Variants in PEX19 observed in about 807,000 individuals in gnomAD.
The protein encoded by PEX19 is 33 kDa housekeeping protein.
In PEX19, 29 loss-of-function variants were observed where a neutral mutation model predicts 36.3. The ratio of observed to expected loss-of-function variants is 0.80; its 90% confidence interval spans 0.60 to 1.09. The LOEUF (loss-of-function observed/expected upper bound fraction) is 1.09. PEX19 is among the 50% of genes least tolerant of loss of function. The pLI, the probability that PEX19 is intolerant of heterozygous loss-of-function variation, is 0.00. For missense variants in PEX19, 396 were observed against 368.1 expected, an observed-to-expected ratio of 1.08 and a Z score of -0.62; for synonymous variants, 141 against 135.2, an observed-to-expected ratio of 1.04 and a Z score of -0.30.
chr1:160,279,657 CAGAT>C (rs1225367694), intron 7 of PEX19, 23 bp from the exon 8 acceptor site: 1 of 1,599,298 alleles, frequency 6.3e-7, no homozygotes, highest in South Asian at 1.1e-5. Flanking sequence ...TGAAGGGACT[CAGAT>C]AGTTGCTCAT....
In PEX19 at chr1:160,279,456, TC is replaced by T. The variant is rs1316690270; in HGVS notation, c.*94del. On this transcript the variant is annotated 3_prime_UTR_variant, in exon 8 of 8. Transcript: ENST00000368072. ...TGACAGAGGGCAGCGGGCAGACTTC[TC>T]CCGCAGGTGACACTCCTGCCTCAGG... 1 of 996,070 alleles carries T rather than the reference TC, an allele frequency of 1.0e-6. No individual in the cohort carries two copies. Among genetic ancestry groups the T allele is most frequent in the East Asian group, 2.4e-5 (1 of 42,114 alleles). 61.7% of individuals were successfully genotyped at this position (996,070 alleles called of 1,614,324 possible). A position where few individuals can be genotyped will look rare whatever the true frequency, so the allele number is the denominator to read the frequency against.
At position 160,282,603 on chromosome 1, in the gene PEX19, T is replaced by C; in HGVS notation, c.347-101A>G. ...ATATGAAGCATTTACTAGTGAATCA[T>C]TATCACTCCCAATCTTGGAAAACCC... is the stretch of plus-strand genomic sequence containing the variant. On this transcript the variant is annotated intron_variant, in intron 3 of 7. Transcript: ENST00000368072. 3 of 879,620 alleles carry C rather than the reference T, an allele frequency of 3.4e-6. No individual in the cohort carries two copies. In the South Asian group the frequency reaches 4.1e-5, roughly 12 times the overall value. The allele number at this position is 879,620 out of a possible 1,614,324, so 54.5% of individuals were successfully genotyped here. A position where few individuals can be genotyped will look rare whatever the true frequency, so the allele number is the denominator to read the frequency against.
At chr1:160,283,428 T>C in intron 2 of PEX19, 102 bp downstream of exon 2, 1 of 816,860 alleles carries the variant, frequency 1.2e-6, no homozygotes, top group South Asian at 1.7e-5. Flanking sequence ...GAGGCCAAGG[T>C]ACCCTCCCAC....
At position 160,279,971 on chromosome 1, in the gene PEX19, C is replaced by T. The variant is rs1657702666; in HGVS notation, c.771+99G>A. Reference sequence around the variant, plus strand: ...AGAGAGATCACAAGAGAGGATCCCTCCTCCACCTAGGTCTAGCAGTATTGC... The same window carrying T: ...AGAGAGATCACAAGAGAGGATCCCTTCTCCACCTAGGTCTAGCAGTATTGC... On this transcript the variant is annotated intron_variant, in intron 6 of 7. Transcript: ENST00000368072. 8 of 1,384,954 alleles carry T rather than the reference C, an allele frequency of 5.8e-6. No homozygotes were observed. In the African/African-American group the frequency reaches 8.5e-5, roughly 15 times the overall value. The allele number at this position is 1,384,954 out of a possible 1,614,324, so 85.8% of individuals were successfully genotyped here. A position where few individuals can be genotyped will look rare whatever the true frequency, so the allele number is the denominator to read the frequency against.
chr1:160,281,962 C>T, intron 5 of PEX19, 77 bp downstream of exon 5: 1 of 1,257,882 alleles, frequency 7.9e-7, no homozygotes, highest in Non-Finnish European at 1.2e-6. Context: ...TCTGCAGGCT[C>T]TGAGTAGACA....
rs970774134 is a variant in PEX19 at position 160,278,092 on chromosome 1, T to C, written c.*1459A>G. On this transcript the variant is annotated 3_prime_UTR_variant, in exon 8 of 8. Coordinates refer to ENST00000368072, the MANE Select transcript of PEX19 (RefSeq NM_002857.4). ...GCTTTGGAGAGACTTATCTTCTGAGTGAACCAGGACAGCCAGCTGAGCTGA... is the reference window on the plus strand; with the variant it reads ...GCTTTGGAGAGACTTATCTTCTGAGCGAACCAGGACAGCCAGCTGAGCTGA... 3.0e-5 allele frequency: 21 copies of C among 702,418 alleles called. No homozygotes were observed. Among genetic ancestry groups the C allele is most frequent in the African/African-American group, 1.0e-4 (6 of 57,316 alleles). 43.5% of individuals were successfully genotyped at this position (702,418 alleles called of 1,614,324 possible). A position where few individuals can be genotyped will look rare whatever the true frequency, so the allele number is the denominator to read the frequency against.
At position 160,283,548 on chromosome 1, in the gene PEX19, C is replaced by A. The variant is rs540593146; in HGVS notation, c.162G>T (p.Ser54=). Residue 54 remains serine (S), a synonymous_variant, in exon 2 of 8, where the codon TCG becomes TCT. Transcript: ENST00000368072. ...TTTATACTTTGGCAGTGTCTCCTGG[C>A]GATCTCTTCTGGGGCCCCGAAGCAT... ...APDASGPQKR[S]PGDTAKDALF... is the part of the protein sequence containing the mutation. 4.3e-6 allele frequency: 7 copies of A among 1,612,586 alleles called. No homozygotes were observed. Among genetic ancestry groups the A allele is most frequent in the Non-Finnish European group, 5.1e-6 (6 of 1,178,788 alleles).
At position 160,283,619 on chromosome 1, in the gene PEX19, T is replaced by C; in HGVS notation, c.91A>G (p.Lys31Glu). Reference protein sequence around the residue: ...LLESALDDFDKAKPSPAPPST... With the variant: ...LLESALDDFDEAKPSPAPPST... ...GGGGGTGCTGGGGAGGGTTTGGCTT[T>C]ATCGAAATCATCAAGAGCACCTTCA... The change falls in exon 2 of 8, where the codon AAA becomes GAA. Residue 31 changes from lysine to glutamate, a missense_variant. Physicochemically the swap from Lys to Glu is moderately conservative, Grantham distance 56 (BLOSUM62 1). Coordinates refer to ENST00000368072, the MANE Select transcript of PEX19 (RefSeq NM_002857.4). The C allele has an allele frequency of 1.9e-6, 3 of 1,614,028 alleles. No individual in the cohort carries two copies. The highest frequency in any genetic ancestry group is 2.5e-6 in the Non-Finnish European group (3 of 1,179,882).
In PEX19 at chr1:160,285,127, T is replaced by G. The variant is rs1657963744; in HGVS notation, c.-3A>C. Reference sequence around the variant, plus strand: ...CAGCCTTCCTCAGCGGCGGCCATCTTGCTACCTCCGACTTGCCGTAGGAGG... The same window carrying G: ...CAGCCTTCCTCAGCGGCGGCCATCTGGCTACCTCCGACTTGCCGTAGGAGG... On this transcript the variant is annotated 5_prime_UTR_variant, in exon 1 of 8. Coordinates refer to ENST00000368072, the MANE Select transcript of PEX19 (RefSeq NM_002857.4). 1.2e-6 allele frequency: 2 copies of G among 1,612,936 alleles called. No homozygotes were observed. Among genetic ancestry groups the G allele is most frequent in the Non-Finnish European group, 8.5e-7 (1 of 1,179,124 alleles).
At position 160,279,864 on chromosome 1, in the gene PEX19, G is replaced by T; in HGVS notation, c.772-19C>A. 3.1e-6 allele frequency: 5 copies of T among 1,606,708 alleles called. No individual in the cohort carries two copies. Among genetic ancestry groups the T allele is most frequent in the Non-Finnish European group, 4.3e-6 (5 of 1,173,246 alleles). ...CTTGTAGCTAGAAAATAAGGAAAAT[G>T]GAACATGAAATAGAGAAAAGCCCAG... On this transcript the variant is annotated intron_variant, in intron 6 of 7. Coordinates refer to ENST00000368072, the MANE Select transcript of PEX19 (RefSeq NM_002857.4).
intron 5 of PEX19, 73 bp downstream of exon 5, chr1:160,281,966 G>T: frequency 7.6e-7 from 1 of 1,308,914 alleles, no homozygotes; most frequent in Non-Finnish European, 1.1e-6. Flanking sequence ...CAGGCTCTGA[G>T]TAGACAAAAT....
Position 160,280,079 on chromosome 1 carries a change from A to C in PEX19, c.762T>G (p.Leu254=), listed in dbSNP as rs1657706252. The C allele has an allele frequency of 6.2e-7, 1 of 1,613,108 alleles. No homozygotes were observed. The highest frequency in any genetic ancestry group is 1.7e-5 in the Admixed American group (1 of 59,996). The part of the protein sequence containing the change: ...QKARFEMVLD[L]MQQLQDLGHP... ...AGGCAAGAGGCCTTACCTGCTGCAT[A>C]AGATCCAGCACCATCTCAAAACGAG... The change falls in exon 6 of 8, where the codon CTT becomes CTG. Residue 254 remains leucine (L), a synonymous_variant. Transcript: ENST00000368072.
Position 160,285,104 on chromosome 1 carries a change from G to C in PEX19, c.21C>G (p.Gly7=), listed in dbSNP as rs140039683. 1.8e-4 allele frequency: 285 copies of C among 1,613,796 alleles called. No individual in the cohort carries two copies. The highest frequency in any genetic ancestry group is 2.3e-4 in the Non-Finnish European group (267 of 1,179,858). The change falls in exon 1 of 8, where the codon GGC becomes GGG. Residue 7 remains glycine, a synonymous_variant. Transcript: ENST00000368072. ...TGTCCGCTTCGGCCCCGACACTACAGCCTTCCTCAGCGGCGGCCATCTTGC... is the reference window on the plus strand; with the variant it reads ...TGTCCGCTTCGGCCCCGACACTACACCCTTCCTCAGCGGCGGCCATCTTGC... MAAAEE[G]CSVGAEADRE...
rs372197333 is a variant in PEX19, at chr1:160,280,171, C to T, written c.670G>A (p.Val224Ile). ...AACTGCTCACATATTTTGCACATGA[C>T]GCTGTGCTGCTCCTGATATTTTTCA... ...QFEKYQEQHS[V>I]MCKICEQFEA... is the part of the protein sequence containing the mutation. Residue 224 changes from valine (V) to isoleucine (I), a missense_variant, in exon 6 of 8, where the codon GTC becomes ATC. Transcript: ENST00000368072. 2.4e-5 allele frequency: 39 copies of T among 1,613,532 alleles called. No homozygotes were observed. The Admixed American group carries it at 5.0e-4, about 21-fold the overall frequency.
Position 160,278,547 on chromosome 1 carries a change from C to A in PEX19, c.*1004G>T. On this transcript the variant is annotated 3_prime_UTR_variant, in exon 8 of 8. Transcript: ENST00000368072. ...TGCAGGAAAAGGGACCCAAGCTATA[C>A]CCCTACTCCTTTTCCAAGCTACTTT... is the stretch of plus-strand genomic sequence containing the variant. 2.1e-6 allele frequency: 1 copy of A among 465,638 alleles called. No homozygotes were observed. The allele number at this position is 465,638 out of a possible 1,614,324, so 28.8% of individuals were successfully genotyped here.
chr1:160,279,951 G>A (rs1453241820), intron 6 of PEX19, 106 bp from the exon 7 acceptor site: 1 of 1,363,914 alleles, frequency 7.3e-7, no homozygotes, highest in African/African-American at 1.4e-5. Context: ...TTCTGAGAGA[G>A]ATCACAAGAG....
At chr1:160,282,348 C>T (rs764769434) in intron 4 of PEX19, 69 bp downstream of exon 4, 30 of 1,442,170 alleles carry the variant, frequency 2.1e-5, no homozygotes, top group African/African-American at 2.8e-5. Flanking sequence ...AAGCATCTGT[C>T]TTTTGAGACT....
rs934550184 is a variant in PEX19 at position 160,277,526 on chromosome 1, G to T, written c.*2025C>A. The T allele has an allele frequency of 2.2e-6, 1 of 455,010 alleles. No individual in the cohort carries two copies. The highest frequency in any genetic ancestry group is 2.0e-5 in the African/African-American group (1 of 50,054). The allele number at this position is 455,010 out of a possible 1,614,324, so 28.2% of individuals were successfully genotyped here. A position where few individuals can be genotyped will look rare whatever the true frequency, so the allele number is the denominator to read the frequency against. On this transcript the variant is annotated 3_prime_UTR_variant, in exon 8 of 8. Transcript: ENST00000368072. ...CACAAGTCCTGGAATAATTCCAAAA[G>T]TTTTTGGAACAAAGTGTGACCTGAG...
chr1:160,283,090 T>G lies in PEX19; in HGVS notation c.200A>C (p.Gln67Pro), dbSNP rs755726384. ...GAATAGTTCCTGGAAAAACTTCTCT[T>G]GGGAAGCGAAGAGGGCATCCTGCGG... is the stretch of plus-strand genomic sequence containing the variant. ...DTAKDALFAS[Q>P]EKFFQELFDS... Residue 67 changes from glutamine to proline, a missense_variant, in exon 3 of 8, where the codon CAA becomes CCA. By Grantham distance (76) the Gln-to-Pro change is moderately conservative. Transcript: ENST00000368072. 2.0e-5 allele frequency: 32 copies of G among 1,613,680 alleles called. No homozygotes were observed. Among genetic ancestry groups the G allele is most frequent in the Non-Finnish European group, 2.5e-5 (30 of 1,180,016 alleles).
Sources: allele counts gnomAD v4.1 joint callset, GRCh38; gene constraint gnomAD v4.1.1; transcripts MANE v1.5; gene names NCBI Gene and HGNC (gene_info 2026-07-23, HGNC 2026-07-21).